ADAMTS17: variants seen among roughly 807,000 people sequenced by gnomAD.
The protein encoded by ADAMTS17 is A disintegrin and metalloproteinase with thrombospondin motifs 17.
In ADAMTS17, 113 loss-of-function variants were observed where a neutral mutation model predicts 141.5. The observed-to-expected ratio is 0.80, with a 90% CI of 0.69 to 0.93. ADAMTS17 has a LOEUF of 0.93. Ranked by LOEUF, ADAMTS17 falls within the 40% of genes least tolerant of loss-of-function variation. The pLI, the probability that ADAMTS17 is intolerant of heterozygous loss-of-function variation, is 0.00. For synonymous variants in ADAMTS17, 768 were observed against 630.6 expected (o/e 1.22, Z -3.27); for missense variants, 1,659 against 1,517.9 (o/e 1.09, Z -1.54).
chr15:100,080,069 C>G (rs1596366914), intron 15 of ADAMTS17, among the ~76,000 whole-genome samples: 2 of 152,170 alleles, frequency 1.3e-5, no homozygotes, highest in African/African-American at 4.8e-5. Flanking sequence ...CTCCCATAGC[C>G]AGGATTCACG....
At chr15:99,981,414 G>A (rs11634624) in intron 20 of ADAMTS17, among the ~76,000 whole-genome samples, 438 of 152,300 alleles carry the variant, frequency 2.9e-3, no homozygotes, top group Non-Finnish European at 4.2e-3. Flanking sequence ...CCCCTTGTAG[G>A]CATTTTACTC....
intron 2 of ADAMTS17, among the ~76,000 whole-genome samples, chr15:100,335,350 T>A (rs757191837): frequency 5.9e-5 from 9 of 152,194 alleles, no homozygotes; most frequent in Non-Finnish European, 1.3e-4. Flanking sequence ...AATCCACTCA[T>A]GGGTCCCTTA....
At chr15:100,319,409 C>A (rs757099079) in intron 3 of ADAMTS17, among the ~76,000 whole-genome samples, 1 of 152,192 alleles carries the variant, frequency 6.6e-6, no homozygotes, top group South Asian at 2.1e-4. Context: ...TGAGCTGACA[C>A]TCCTCAAGAA....
At chr15:100,194,282 G>A (rs2041030602) in intron 8 of ADAMTS17, among the ~76,000 whole-genome samples, 1 of 152,098 alleles carries the variant, frequency 6.6e-6, no homozygotes, top group African/African-American at 2.4e-5. Context: ...TGGACACTTG[G>A]TTCTGTGCCC....
chr15:100,160,671 T>G lies in ADAMTS17; in HGVS notation c.1182-5351A>C, dbSNP rs575059760. On this transcript the variant is annotated intron_variant, in intron 8 of 21. Transcript: ENST00000268070. Reference sequence around the variant, plus strand: ...GCCAACCGAAGCACACCACGTCCAGTGAGCGTTTCACTCTGCCGGCCGAGA... The same window carrying G: ...GCCAACCGAAGCACACCACGTCCAGGGAGCGTTTCACTCTGCCGGCCGAGA... 4.6e-5 allele frequency among the ~76,000 whole-genome samples: 7 copies of G among 152,312 alleles called. No individual in the cohort carries two copies. In the East Asian group the frequency reaches 1.4e-3, roughly 29 times the overall value.
intron 18 of ADAMTS17, among the ~76,000 whole-genome samples, chr15:100,029,502 G>C (rs949612373): frequency 6.6e-6 from 1 of 152,120 alleles, no homozygotes; most frequent in Non-Finnish European, 1.5e-5. Flanking sequence ...AGGGCATCCG[G>C]CTGCCTCATT....
chr15:99,991,290 C>T (rs577400263), intron 20 of ADAMTS17, among the ~76,000 whole-genome samples: 2 of 152,152 alleles, frequency 1.3e-5, no homozygotes, highest in African/African-American at 4.8e-5. Context: ...AGGCTAATAT[C>T]CAGAATCTAC....
chr15:100,319,652 G>A (rs1486784783), intron 3 of ADAMTS17, among the ~76,000 whole-genome samples: 1 of 152,214 alleles, frequency 6.6e-6, no homozygotes, highest in Non-Finnish European at 1.5e-5. Flanking sequence ...GGAGGTTACA[G>A]TGAGTCAAGA....
chr15:100,268,111 T>C (rs1295542236), intron 4 of ADAMTS17, among the ~76,000 whole-genome samples: 1 of 140,356 alleles, frequency 7.1e-6, no homozygotes, highest in Non-Finnish European at 1.5e-5. Context: ...GTATCCATGT[T>C]GCTGCAAAGG....
In ADAMTS17 at chr15:100,322,039, C is replaced by T. The variant is rs773846602; in HGVS notation, c.616+8850G>A. Among the ~76,000 whole-genome samples the T allele has an allele frequency of 6.6e-5, 10 of 152,080 alleles. 1 individual carries two copies. Among genetic ancestry groups the T allele is most frequent in the Admixed American group, 6.6e-5 (1 of 15,266 alleles). ...GTATGCTCAAAAGCTTCTAATAAAC[C>T]TAATCCTCCTACAGATAGCAACTGT... On this transcript the variant is annotated intron_variant, in intron 3 of 21. Coordinates refer to ENST00000268070, the MANE Select transcript of ADAMTS17 (RefSeq NM_139057.4).
chr15:100,208,730 A>C (rs2141699451), intron 7 of ADAMTS17, among the ~76,000 whole-genome samples: 1 of 149,650 alleles, frequency 6.7e-6, no homozygotes, highest in African/African-American at 2.5e-5. Context: ...AAGATAACAA[A>C]GGGATACACA....
At chr15:100,131,226 A>T (rs62038610) in intron 12 of ADAMTS17, among the ~76,000 whole-genome samples, 21,670 of 150,992 alleles carry the variant, frequency 0.14, 2,046 homozygotes, top group Non-Finnish European at 0.21. Flanking sequence ...GAGGGGGTTG[A>T]GGGGCAAGGG....
chr15:100,085,634 G>A (rs975251558), intron 15 of ADAMTS17, among the ~76,000 whole-genome samples: 9 of 151,822 alleles, frequency 5.9e-5, no homozygotes, highest in Admixed American at 1.3e-4. Flanking sequence ...ATCATCAGAC[G>A]AAGAGCTGAT....
intron 20 of ADAMTS17, among the ~76,000 whole-genome samples, chr15:99,992,435 C>T (rs1489828332): frequency 6.6e-6 from 1 of 152,174 alleles, no homozygotes; most frequent in African/African-American, 2.4e-5. Context: ...GTGGGGCTCA[C>T]CTTGGTCCCC....
intron 3 of ADAMTS17, among the ~76,000 whole-genome samples, chr15:100,318,740 A>T (rs565613367): frequency 6.6e-6 from 1 of 152,246 alleles, no homozygotes; most frequent in Non-Finnish European, 1.5e-5. Flanking sequence ...TCACGCCTGT[A>T]AGTGAGTGAA....
At chr15:100,062,921 C>A (rs375993883) in intron 15 of ADAMTS17, among the ~76,000 whole-genome samples, 11 of 152,156 alleles carry the variant, frequency 7.2e-5, no homozygotes, top group Admixed American at 5.9e-4. Flanking sequence ...AGCAGAGGCA[C>A]CCTCTGGGCA....
At chr15:100,177,712 T>G (rs1421254869) in intron 8 of ADAMTS17, among the ~76,000 whole-genome samples, 2 of 152,228 alleles carry the variant, frequency 1.3e-5, no homozygotes, top group African/African-American at 4.8e-5. Context: ...CTAATATTTT[T>G]ATCAATTGCT....
intron 11 of ADAMTS17, 65 bp downstream of exon 11, chr15:100,133,149 A>G (rs1353584223): frequency 2.1e-6 from 3 of 1,427,980 alleles, no homozygotes; most frequent in Non-Finnish European, 2.9e-6. Context: ...GTGTGTCAGA[A>G]GAGGTGCCAG....
intron 13 of ADAMTS17, among the ~76,000 whole-genome samples, chr15:100,113,277 A>T (rs1045994665): frequency 1.3e-5 from 2 of 152,214 alleles, no homozygotes; most frequent in African/African-American, 4.8e-5. Context: ...CCTTATATGT[A>T]ATTCAGAAAT....
Sources: gnomAD v4.1 joint callset for allele counts (sites outside exome capture counted in the v4.1 genomes callset) on GRCh38, gnomAD v4.1.1 for gene constraint, MANE v1.5 for transcripts, NCBI Gene and HGNC (gene_info 2026-07-23, HGNC 2026-07-21) for gene names.